CACHD1: variants seen among roughly 807,000 people sequenced by gnomAD.
CACHD1 encodes the protein VWFA and cache domain-containing protein 1.
In CACHD1, 71 loss-of-function variants were observed where a neutral mutation model predicts 138.7. That is an observed-to-expected ratio of 0.51 (90% confidence interval 0.42 to 0.62). The LOEUF is 0.62. Ranked by LOEUF, CACHD1 falls within the 20% of genes least tolerant of loss-of-function variation. The probability of loss-of-function intolerance (pLI) is 0.00; values close to 1 mark genes in which losing one functional copy is unlikely to be tolerated. For missense variants in CACHD1, 1,389 were observed against 1,625.3 expected (o/e 0.85, Z 2.50); for synonymous variants, 578 against 591.5 (o/e 0.98, Z 0.33).
intron 1 of CACHD1, among the ~76,000 whole-genome samples, chr1:64,472,440 G>T (rs1175938028): frequency 6.6e-6 from 1 of 152,196 alleles, no homozygotes; most frequent in East Asian, 1.9e-4. Context: ...GGAGTGGATG[G>T]ATTTTGAAAG....
At chr1:64,674,410 A>G (rs1029523767) in intron 19 of CACHD1, among the ~76,000 whole-genome samples, 1 of 152,164 alleles carries the variant, frequency 6.6e-6, no homozygotes, top group Admixed American at 6.5e-5. Context: ...TATTTATGCA[A>G]TGATTTCTGG....
intron 26 of CACHD1, among the ~76,000 whole-genome samples, chr1:64,690,353 G>A (rs1053033893): frequency 6.6e-6 from 1 of 152,178 alleles, no homozygotes; most frequent in Admixed American, 6.5e-5. Context: ...AATGTGACTA[G>A]CATTACCCAC....
At chr1:64,672,462 CAGAA>C (rs769825181) in intron 17 of CACHD1, among the ~76,000 whole-genome samples, 162 of 152,286 alleles carry the variant, frequency 1.1e-3, no homozygotes, top group African/African-American at 3.7e-3. Flanking sequence ...TTTATAGAGA[CAGAA>C]AGACCACATT....
At chr1:64,671,184 T>G (rs1387185775) in intron 16 of CACHD1, among the ~76,000 whole-genome samples, 2 of 148,080 alleles carry the variant, frequency 1.4e-5, no homozygotes. Context: ...ATAAGGGTGT[T>G]GCTAAGGGGG....
At chr1:64,479,565 G>T (rs1402103612) in intron 1 of CACHD1, among the ~76,000 whole-genome samples, 1 of 152,134 alleles carries the variant, frequency 6.6e-6, no homozygotes, top group Non-Finnish European at 1.5e-5. Flanking sequence ...GGAGAAATAG[G>T]CAGAGGTCAA....
At chr1:64,525,640 C>T (rs937947275) in intron 1 of CACHD1, among the ~76,000 whole-genome samples, 2 of 152,154 alleles carry the variant, frequency 1.3e-5, no homozygotes, top group African/African-American at 2.4e-5. Context: ...TCAGTATTTT[C>T]GTAAATATAA....
At chr1:64,582,076 G>C (rs766146008) in intron 2 of CACHD1, 80 bp from the exon 3 acceptor site, 20 of 1,462,556 alleles carry the variant, frequency 1.4e-5, no homozygotes, top group Admixed American at 1.8e-5. Flanking sequence ...TTGTGACACA[G>C]ATTACTAGTT....
intron 10 of CACHD1, among the ~76,000 whole-genome samples, chr1:64,653,353 A>G (rs1649158419): frequency 1.3e-5 from 2 of 150,808 alleles, no homozygotes; most frequent in Admixed American, 6.6e-5. Flanking sequence ...TATATAATAA[A>G]CCTGCACATG....
intron 1 of CACHD1, among the ~76,000 whole-genome samples, chr1:64,537,004 A>G (rs2100418211): frequency 6.6e-6 from 1 of 152,276 alleles, no homozygotes; most frequent in South Asian, 2.1e-4. Flanking sequence ...AGTCTGGAAA[A>G]TCCAAAGCCC....
intron 1 of CACHD1, among the ~76,000 whole-genome samples, chr1:64,499,144 G>A (rs978649669): frequency 2.6e-5 from 4 of 152,094 alleles, no homozygotes; most frequent in South Asian, 4.1e-4. Context: ...CTCTGGACAC[G>A]GTGTTTTACC....
At position 64,484,882 on chromosome 1, in the gene CACHD1, T is replaced by G. The variant is rs565645288; in HGVS notation, c.198+13940T>G. ...TTTTGTTTATCCATTCATCCATCAA[T>G]GGACACTTGGCTTGCTTCCACCTTT... On this transcript the variant is annotated intron_variant, in intron 1 of 26. Coordinates refer to ENST00000651257, the MANE Select transcript of CACHD1 (RefSeq NM_020925.4). Among the ~76,000 whole-genome samples the G allele has an allele frequency of 5.9e-5, 9 of 152,386 alleles. No homozygotes were observed. In the South Asian group the frequency reaches 1.4e-3, roughly 25 times the overall value.
At chr1:64,547,895 C>T (rs533324597) in intron 1 of CACHD1, among the ~76,000 whole-genome samples, 211 of 152,288 alleles carry the variant, frequency 1.4e-3, no homozygotes, top group African/African-American at 4.5e-3. Context: ...GGGATCGATA[C>T]GGGTTTATAC....
chr1:64,602,799 G>A lies in CACHD1; in HGVS notation c.411-7G>A, dbSNP rs1364804521. ...TAAGTATTGCTAATTCTCTCCTATT[G>A]TTTCAGATTCGATGGGAACTTTAAT... On this transcript the variant is annotated splice_polypyrimidine_tract_variant and splice_region_variant and intron_variant, in intron 3 of 26. Coordinates refer to ENST00000651257, the MANE Select transcript of CACHD1 (RefSeq NM_020925.4). 3.8e-6 allele frequency: 6 copies of A among 1,593,218 alleles called. No individual in the cohort carries two copies. Among genetic ancestry groups the A allele is most frequent in the Non-Finnish European group, 4.3e-6 (5 of 1,161,560 alleles).
chr1:64,645,355 AATC>A, intron 8 of CACHD1, among the ~76,000 whole-genome samples: 1 of 152,274 alleles, frequency 6.6e-6, no homozygotes, highest in African/African-American at 2.4e-5. Context: ...AGTACAAAGA[AATC>A]ATAAATGATT....
intron 1 of CACHD1, among the ~76,000 whole-genome samples, chr1:64,485,999 G>C (rs897467731): frequency 1.3e-5 from 2 of 152,070 alleles, no homozygotes; most frequent in African/African-American, 2.4e-5. Flanking sequence ...TGAAAGTCCT[G>C]GTTGCTCCAC....
intron 1 of CACHD1, among the ~76,000 whole-genome samples, chr1:64,525,343 A>G (rs1234572403): frequency 3.9e-5 from 6 of 152,176 alleles, no homozygotes; most frequent in Non-Finnish European, 8.8e-5. Context: ...TGATTAATAC[A>G]TACTCAAAAA....
rs762990213 is a variant in CACHD1, at chr1:64,663,740, A to T, written c.1997A>T (p.Tyr666Phe). Reference protein sequence around the residue: ...MLSAGSFSSPYEHLSQPETKR... With the variant: ...MLSAGSFSSPFEHLSQPETKR... ...TCTGCTGGCAGCTTTTCCTCCCCCT[A>T]TGAGCACCTCAGCCAGCCAGAGACA... The change falls in exon 14 of 27, where the codon TAT becomes TTT. Residue 666 changes from tyrosine to phenylalanine, a missense_variant. By Grantham distance (22) the Tyr-to-Phe change is conservative (BLOSUM62 3). Coordinates refer to ENST00000651257, the MANE Select transcript of CACHD1 (RefSeq NM_020925.4). 1 of 1,613,890 alleles carries T rather than the reference A, an allele frequency of 6.2e-7. No individual in the cohort carries two copies. The highest frequency in any genetic ancestry group is 1.7e-5 in the Admixed American group (1 of 59,988).
chr1:64,679,642 C>T lies in CACHD1; in HGVS notation c.3292C>T (p.Pro1098Ser). ...LNMIKSAPVG[P>S]VAGGIMGCIM... ...CATGATTAAAAGCGCCCCTGTGGGT[C>T]CTGTGGCTGGAGGGATCATGGGATG... Residue 1098 changes from proline (P) to serine (S), a missense_variant, in exon 24 of 27, where the codon CCT becomes TCT. Physicochemically the swap from Pro to Ser is moderately conservative, Grantham distance 74. Coordinates refer to ENST00000651257, the MANE Select transcript of CACHD1 (RefSeq NM_020925.4). 3.1e-6 allele frequency: 5 copies of T among 1,614,178 alleles called. No homozygotes were observed. The highest frequency in any genetic ancestry group is 3.4e-6 in the Non-Finnish European group (4 of 1,180,014).
chr1:64,564,630 GC>G (rs1261818147), intron 2 of CACHD1, among the ~76,000 whole-genome samples: 2 of 152,136 alleles, frequency 1.3e-5, no homozygotes, highest in African/African-American at 4.8e-5. Flanking sequence ...AGAGAAGATT[GC>G]TATTCTTAAT....
Sources: gnomAD v4.1 joint callset for allele counts (sites outside exome capture counted in the v4.1 genomes callset) on GRCh38, gnomAD v4.1.1 for gene constraint, MANE v1.5 for transcripts, NCBI Gene and HGNC (gene_info 2026-07-23, HGNC 2026-07-21) for gene names.